PCCA: variants seen among roughly 807,000 people sequenced by gnomAD.
PCCA encodes propionyl-CoA carboxylase subunit alpha.
In PCCA, 74 loss-of-function variants were observed where a neutral mutation model predicts 101.3. That is an observed-to-expected ratio of 0.73 (90% confidence interval 0.61 to 0.89). PCCA has a LOEUF of 0.89. PCCA is among the 40% of genes least tolerant of loss of function. The pLI is 0.00. For missense variants in PCCA, 891 were observed against 907.0 expected, an observed-to-expected ratio of 0.98 and a Z score of 0.23; for synonymous variants, 294 against 313.6, an observed-to-expected ratio of 0.94 and a Z score of 0.66.
intron 1 of PCCA, among the ~76,000 whole-genome samples, chr13:100,095,695 T>C (rs1334312900): frequency 6.6e-6 from 1 of 152,018 alleles, no homozygotes; most frequent in Non-Finnish European, 1.5e-5. Flanking sequence ...TTGGCATAAT[T>C]AAGGGATGAA....
At chr13:100,496,236 A>G (rs2085267459) in intron 21 of PCCA, among the ~76,000 whole-genome samples, 1 of 152,226 alleles carries the variant, frequency 6.6e-6, no homozygotes. Flanking sequence ...CAGTTTACTC[A>G]CTACAAAAAA....
At chr13:100,165,752 C>T (rs2054965319) in intron 6 of PCCA, among the ~76,000 whole-genome samples, 1 of 152,120 alleles carries the variant, frequency 6.6e-6, no homozygotes, top group Non-Finnish European at 1.5e-5. Flanking sequence ...AGAGTTCAGG[C>T]CAGGTGTGGT....
At chr13:100,130,658 A>G (rs1166798537) in intron 4 of PCCA, among the ~76,000 whole-genome samples, 1 of 152,182 alleles carries the variant, frequency 6.6e-6, no homozygotes, top group Non-Finnish European at 1.5e-5. Flanking sequence ...TCTTCCTGTA[A>G]ATCAATGATA....
intron 6 of PCCA, among the ~76,000 whole-genome samples, chr13:100,198,021 A>C (rs940014732): frequency 1.3e-5 from 2 of 152,246 alleles, no homozygotes; most frequent in East Asian, 3.8e-4. Flanking sequence ...TGTGTCTGCC[A>C]CATTTACAGC....
intron 21 of PCCA, among the ~76,000 whole-genome samples, chr13:100,462,917 T>G (rs954623205): frequency 6.6e-6 from 1 of 152,026 alleles, no homozygotes; most frequent in African/African-American, 2.4e-5. Context: ...GGGGCTGAGG[T>G]GAAGAAAGTG....
intron 10 of PCCA, among the ~76,000 whole-genome samples, chr13:100,265,004 A>AAAGTG (rs1291378039): frequency 1.3e-5 from 2 of 152,214 alleles, no homozygotes; most frequent in Non-Finnish European, 2.9e-5. Flanking sequence ...TGACTTCTCA[A>AAAGTG]ACTTTCATCC....
chr13:100,431,098 T>C (rs942371640), intron 20 of PCCA, among the ~76,000 whole-genome samples: 2 of 152,210 alleles, frequency 1.3e-5, no homozygotes, highest in Non-Finnish European at 2.9e-5. Context: ...CACATCCTGG[T>C]GAACCCTTGG....
intron 8 of PCCA, among the ~76,000 whole-genome samples, chr13:100,256,448 A>G (rs1018159621): frequency 6.6e-6 from 1 of 152,214 alleles, no homozygotes; most frequent in African/African-American, 2.4e-5. Context: ...CCAGTGTAAG[A>G]GCATGTTCTT....
At chr13:100,522,953 T>G (rs150958638) in intron 22 of PCCA, among the ~76,000 whole-genome samples, 86 of 152,382 alleles carry the variant, frequency 5.6e-4, no homozygotes, top group African/African-American at 2.0e-3. Context: ...CTGATGAATA[T>G]CTGGTCTTGA....
At chr13:100,173,539 A>G (rs1217088666) in intron 6 of PCCA, among the ~76,000 whole-genome samples, 5 of 152,214 alleles carry the variant, frequency 3.3e-5, no homozygotes, top group Non-Finnish European at 5.9e-5. Context: ...AGACAAGTGT[A>G]TTTATCCTCT....
chr13:100,449,159 G>A, intron 20 of PCCA, 93 bp from the exon 21 acceptor site: 2 of 706,730 alleles, frequency 2.8e-6, no homozygotes, highest in Non-Finnish European at 2.5e-6. Flanking sequence ...CCATCCATCA[G>A]TTGATGGACA....
chr13:100,256,542 A>G lies in PCCA; in HGVS notation c.638-1053A>G, dbSNP rs556679885. ...ATGAACAGAAAAAAATTTTAATTGA[A>G]TTAATTATAAAACGCTTAGGAAGCA... On this transcript the variant is annotated intron_variant, in intron 8 of 23. Transcript: ENST00000376285. 2.0e-5 allele frequency among the ~76,000 whole-genome samples: 3 copies of G among 152,344 alleles called. No individual in the cohort carries two copies. In the East Asian group the frequency reaches 5.8e-4, roughly 29 times the overall value.
intron 6 of PCCA, among the ~76,000 whole-genome samples, chr13:100,190,193 C>T (rs75324259): frequency 2.0e-5 from 3 of 152,118 alleles, no homozygotes; most frequent in Admixed American, 6.6e-5. Context: ...CTGAAGATCA[C>T]GCACGTAATC....
intron 8 of PCCA, among the ~76,000 whole-genome samples, chr13:100,239,166 ATGT>A (rs1411825713): frequency 6.6e-6 from 1 of 152,300 alleles, no homozygotes; most frequent in African/African-American, 2.4e-5. Flanking sequence ...CACTTTGGAA[ATGT>A]TGTTTCTAAT....
intron 19 of PCCA, among the ~76,000 whole-genome samples, chr13:100,372,094 C>T (rs1281100527): frequency 6.6e-6 from 1 of 152,210 alleles, no homozygotes; most frequent in Non-Finnish European, 1.5e-5. Context: ...CCTGTAATCT[C>T]AGCACTTTGG....
At chr13:100,449,215 A>G (rs749937007) in intron 20 of PCCA, 37 bp from the exon 21 acceptor site, 40 of 1,332,132 alleles carry the variant, frequency 3.0e-5, no homozygotes, top group Non-Finnish European at 4.1e-5. Flanking sequence ...AGCTGTGCAG[A>G]TATGAGTTCA....
chr13:100,228,827 G>A (rs2060299863), intron 7 of PCCA, among the ~76,000 whole-genome samples: 1 of 150,882 alleles, frequency 6.6e-6, no homozygotes, highest in Admixed American at 6.6e-5. Context: ...TTGAACCTGG[G>A]AGGTGGAGGT....
intron 19 of PCCA, among the ~76,000 whole-genome samples, chr13:100,416,512 CTGTGTGTGTG>C (rs143797850): frequency 1.4e-4 from 21 of 145,488 alleles, no homozygotes; most frequent in South Asian, 2.2e-4. Context: ...TTTTAAATAT[CTGTGTGTGTG>C]TGTGTGTGTG....
intron 1 of PCCA, among the ~76,000 whole-genome samples, chr13:100,097,545 C>A (rs2152228730): frequency 1.3e-5 from 2 of 152,158 alleles, no homozygotes; most frequent in Middle Eastern, 3.4e-3. Flanking sequence ...CATGAAGAAA[C>A]CCCATCTCTA....
Sources: allele counts gnomAD v4.1 joint callset (sites outside exome capture counted in the v4.1 genomes callset), GRCh38; gene constraint gnomAD v4.1.1; transcripts MANE v1.5; gene names NCBI Gene and HGNC (gene_info 2026-07-23, HGNC 2026-07-21).